The following XIRP1 variants were observed in gnomAD, a reference collection of about 807,000 sequenced individuals.
XIRP1 encodes xin actin binding repeat containing 1.
For synonymous variants in XIRP1, 984 were observed against 947.0 expected (o/e 1.04, Z -0.72); for missense variants, 2,378 against 2,345.4 (o/e 1.01, Z -0.29).
At chr3:39,191,975 A>G (rs2040093657) in intron 1 of XIRP1, among the ~76,000 whole-genome samples, 1 of 152,186 alleles carries the variant, frequency 6.6e-6, no homozygotes, top group African/African-American at 2.4e-5. Context: ...CAGATATGCC[A>G]AGAGTGTCAT....
rs750091469 is a variant in XIRP1, at chr3:39,186,276, C to G, written c.3170G>C (p.Ser1057Thr). ...GGCTTCAGCTGTTGCCATCCGCAGACTCTGCATGGCGGCCAGGAGGTCTGG... is the reference window on the plus strand; with the variant it reads ...GGCTTCAGCTGTTGCCATCCGCAGAGTCTGCATGGCGGCCAGGAGGTCTGG... Reference protein sequence around the residue: ...GAPDLLAAMQSLRMATAEAQS... With the variant: ...GAPDLLAAMQTLRMATAEAQS... Residue 1057 changes from serine to threonine, a missense_variant, in exon 2 of 2, where the codon AGT (serine) becomes ACT (threonine). Transcript: ENST00000340369. 1.9e-6 allele frequency: 3 copies of G among 1,613,948 alleles called. No individual in the cohort carries two copies. In the South Asian group the frequency reaches 3.3e-5, roughly 18 times the overall value.
chr3:39,189,622 G>A, intron 1 of XIRP1, 97 bp from the exon 2 acceptor site: 1 of 916,142 alleles, frequency 1.1e-6, no homozygotes, highest in Non-Finnish European at 1.6e-6. Context: ...CCTGGCCTGG[G>A]CTTCACTTCG....
Position 39,187,781 on chromosome 3 carries a change from C to T in XIRP1, c.1665G>A (p.Glu555=), listed in dbSNP as rs773623859. ...GGTGGATCATCTCCAGGGGCTGGGT[C>T]TCAAAAAGCCACCGAGCTGTGCCAA... is the stretch of plus-strand genomic sequence containing the variant. ...GDVGTARWLF[E]TQPLEMIHQR... is the part of the protein sequence containing the mutation. The change falls in exon 2 of 2, where the codon GAG becomes GAA. Residue 555 remains glutamate, a synonymous_variant. Transcript: ENST00000340369. 28 of 1,613,962 alleles carry T rather than the reference C, an allele frequency of 1.7e-5. No individual in the cohort carries two copies. Among genetic ancestry groups the T allele is most frequent in the Non-Finnish European group, 2.3e-5 (27 of 1,180,032 alleles).
rs2039930316 is a variant in XIRP1 at position 39,184,658 on chromosome 3, G to C, written c.4788C>G (p.Pro1596=). Residue 1596 remains proline, a synonymous_variant, in exon 2 of 2, where the codon CCC becomes CCG. Coordinates refer to ENST00000340369, the MANE Select transcript of XIRP1 (RefSeq NM_194293.4). ...ISVTVSSSAR[P]SGSGQEVGGQ... The stretch of plus-strand genomic sequence containing the variant: ...CTCCGACCTCCTGGCCTGAGCCACT[G>C]GGCCTGGCGCTACTGCTGACTGTGA... 1 of 1,613,788 alleles carries C rather than the reference G, an allele frequency of 6.2e-7. No individual in the cohort carries two copies. The highest frequency in any genetic ancestry group is 1.1e-5 in the South Asian group (1 of 91,088).
chr3:39,188,337 T>A lies in XIRP1; in HGVS notation c.1109A>T (p.Lys370Met), dbSNP rs1435488758. Residue 370 changes from lysine to methionine, a missense_variant, in exon 2 of 2, where the codon AAG becomes ATG. Physicochemically the swap from Lys to Met is moderately conservative, Grantham distance 95. Transcript: ENST00000340369. ...GACATCACCAGGGACCACTTCCTCC[T>A]TGGGTGGGGCCTCTGCTCCAGCCTC... Reference protein sequence around the residue: ...DEEAGAEAPPKEEVVPGDVRS... With the variant: ...DEEAGAEAPPMEEVVPGDVRS... 1 of 1,614,070 alleles carries A rather than the reference T, an allele frequency of 6.2e-7. No homozygotes were observed. The highest frequency in any genetic ancestry group is 1.1e-5 in the South Asian group (1 of 91,072).
intron 1 of XIRP1, among the ~76,000 whole-genome samples, chr3:39,191,392 G>T (rs2040087247): frequency 7.8e-6 from 1 of 128,066 alleles, no homozygotes. Flanking sequence ...CAGAATCTCT[G>T]CTAAGGCCAC....
At chr3:39,189,874 G>A (rs143175554) in intron 1 of XIRP1, among the ~76,000 whole-genome samples, 176 of 152,328 alleles carry the variant, frequency 1.2e-3, no homozygotes, top group African/African-American at 3.5e-3. Flanking sequence ...ACTGCCAGGG[G>A]AGTGGCCTGG....
rs768389701 is a variant in XIRP1 at position 39,184,249 on chromosome 3, G to A, written c.5197C>T (p.Pro1733Ser). 3 of 1,614,190 alleles carry A rather than the reference G, an allele frequency of 1.9e-6. No individual in the cohort carries two copies. The highest frequency in any genetic ancestry group is 2.5e-6 in the Non-Finnish European group (3 of 1,180,008). ...DITQCSVQPE[P>S]APPSASPLPR... The stretch of plus-strand genomic sequence containing the variant: ...AGGGGACTGGCTGAGGGAGGGGCAG[G>A]TTCAGGTTGCACAGAGCACTGGGTG... The change falls in exon 2 of 2, where the codon CCT becomes TCT. Residue 1733 changes from proline (P) to serine (S), a missense_variant. Transcript: ENST00000340369.
rs2039931039 is a variant in XIRP1 at position 39,184,685 on chromosome 3, A to G, written c.4761T>C (p.Ser1587=). ...PPKDHSAHKI[S]VTVSSSARPS... is the part of the protein sequence containing the mutation. ...GCCTGGCGCTACTGCTGACTGTGACACTGATCTTGTGGGCACTGTGGTCTT... is the reference window on the plus strand; with the variant it reads ...GCCTGGCGCTACTGCTGACTGTGACGCTGATCTTGTGGGCACTGTGGTCTT... The change falls in exon 2 of 2, where the codon AGT becomes AGC. Residue 1587 remains serine, a synonymous_variant. Transcript: ENST00000340369. 1 of 1,614,196 alleles carries G rather than the reference A, an allele frequency of 6.2e-7. No individual in the cohort carries two copies. Among genetic ancestry groups the G allele is most frequent in the Non-Finnish European group, 8.5e-7 (1 of 1,180,030 alleles).
In XIRP1 at chr3:39,185,179, A is replaced by G. The variant is rs2039941774; in HGVS notation, c.4267T>C (p.Ser1423Pro). The G allele has an allele frequency of 6.2e-7, 1 of 1,609,530 alleles. No individual in the cohort carries two copies. The highest frequency in any genetic ancestry group is 1.4e-5 in the African/African-American group (1 of 74,050). The part of the protein sequence containing the change: ...NQATGSNAQS[S>P]EPPKLNALNH... ...AGGGCATTGAGCTTGGGGGGCTCAG[A>G]GCTCTGGGCATTGCTGCCTGTAGCC... Residue 1423 changes from serine to proline, a missense_variant, in exon 2 of 2, where the codon TCT (serine) becomes CCT (proline). Physicochemically the swap from Ser to Pro is moderately conservative, Grantham distance 74 (BLOSUM62 -1). Coordinates refer to ENST00000340369, the MANE Select transcript of XIRP1 (RefSeq NM_194293.4).
In XIRP1 at chr3:39,186,239, G is replaced by C; in HGVS notation, c.3207C>G (p.His1069Gln). 6.2e-7 allele frequency: 1 copy of C among 1,613,840 alleles called. No homozygotes were observed. Among genetic ancestry groups the C allele is most frequent in the South Asian group, 1.1e-5 (1 of 91,072 alleles). Residue 1069 changes from histidine (H) to glutamine (Q), a missense_variant, in exon 2 of 2, where the codon CAC becomes CAG. Physicochemically the swap from His to Gln is conservative, Grantham distance 24 (BLOSUM62 0). Transcript: ENST00000340369. ...GCTTGTGCTTGTTCAGAACTTGCTG[G>C]TGCAGGCTCTGGGCTTCAGCTGTTG... ...RMATAEAQSL[H>Q]QQVLNKHKQG... is the part of the protein sequence containing the mutation.
At chr3:39,191,370 C>T (rs2040086942) in intron 1 of XIRP1, among the ~76,000 whole-genome samples, 1 of 151,098 alleles carries the variant, frequency 6.6e-6, no homozygotes, top group Non-Finnish European at 1.5e-5. Context: ...CACCCCCGCC[C>T]CCAGGAATTT....
chr3:39,187,196 G>A lies in XIRP1; in HGVS notation c.2250C>T (p.Leu750=), dbSNP rs140432105. The A allele has an allele frequency of 1.9e-4, 297 of 1,596,546 alleles. 1 individual carries two copies. In the African/African-American group the frequency reaches 3.7e-3, roughly 20 times the overall value. The part of the protein sequence containing the change: ...LAAESIQGGN[L]LEEQPMSPSG... ...AGGGGCTCATGGGCTGCTCTTCCAG[G>A]AGGTTGCCCCCTTGGATGCTCTCAG... is the stretch of plus-strand genomic sequence containing the variant. The change falls in exon 2 of 2, where the codon CTC becomes CTT. Residue 750 remains leucine (L), a synonymous_variant. Coordinates refer to ENST00000340369, the MANE Select transcript of XIRP1 (RefSeq NM_194293.4).
At position 39,185,949 on chromosome 3, in the gene XIRP1, G is replaced by C; in HGVS notation, c.3497C>G (p.Ser1166Ter). ...GVQLSQREPQSRHRETALSVQ... is the reference protein window; with the variant it reads ...GVQLSQREPQ ...TGAGAGGGCAGTCTCCCTGTGCCTT[G>C]ACTGGGGTTCCCTCTGAGAAAGCTG... The change falls in exon 2 of 2, where the codon TCA becomes TGA. Residue 1166 changes from serine (S) to a stop codon, truncating the protein, a stop_gained. Coordinates refer to ENST00000340369, the MANE Select transcript of XIRP1 (RefSeq NM_194293.4). LOFTEE classifies it low-confidence loss of function (END_TRUNC). 1 of 1,614,068 alleles carries C rather than the reference G, an allele frequency of 6.2e-7. No individual in the cohort carries two copies. Among genetic ancestry groups the C allele is most frequent in the Non-Finnish European group, 8.5e-7 (1 of 1,179,974 alleles).
At position 39,185,205 on chromosome 3, in the gene XIRP1, T is replaced by A. The variant is rs766580858; in HGVS notation, c.4241A>T (p.Gln1414Leu). 1 of 1,613,602 alleles carries A rather than the reference T, an allele frequency of 6.2e-7. No homozygotes were observed. Among genetic ancestry groups the A allele is most frequent in the Non-Finnish European group, 8.5e-7 (1 of 1,179,764 alleles). The change falls in exon 2 of 2, where the codon CAG (glutamine) becomes CTG (leucine). Residue 1414 changes from glutamine to leucine, a missense_variant. Coordinates refer to ENST00000340369, the MANE Select transcript of XIRP1 (RefSeq NM_194293.4). ...STTAPRPTKN[Q>L]ATGSNAQSSE... ...GCTCTGGGCATTGCTGCCTGTAGCC[T>A]GATTCTTGGTGGGCCTGGGGGCCGT...
Position 39,188,686 on chromosome 3 carries a change from T to C in XIRP1, c.760A>G (p.Lys254Glu), listed in dbSNP as rs1405030545. Residue 254 changes from lysine to glutamate, a missense_variant, in exon 2 of 2, where the codon AAG (lysine) becomes GAG (glutamate). By Grantham distance (56) the Lys-to-Glu change is moderately conservative. Coordinates refer to ENST00000340369, the MANE Select transcript of XIRP1 (RefSeq NM_194293.4). ...TGGATCTCCTCCCGGCATGCGGCCT[T>C]GACCTCATGGATGGCGCCCTCTGCA... ...QDAEGAIHEV[K>E]AACREEIQSN... 1 of 1,613,348 alleles carries C rather than the reference T, an allele frequency of 6.2e-7. No homozygotes were observed.
Position 39,184,623 on chromosome 3 carries a change from G to T in XIRP1, c.4823C>A (p.Ala1608Glu). 6.2e-7 allele frequency: 1 copy of T among 1,613,820 alleles called. No individual in the cohort carries two copies. Among genetic ancestry groups the T allele is most frequent in the Non-Finnish European group, 8.5e-7 (1 of 1,179,912 alleles). The change falls in exon 2 of 2, where the codon GCA (alanine) becomes GAA (glutamate). Residue 1608 changes from alanine (A) to glutamate (E), a missense_variant. By Grantham distance (107) the Ala-to-Glu change is moderately radical (BLOSUM62 -1). Coordinates refer to ENST00000340369, the MANE Select transcript of XIRP1 (RefSeq NM_194293.4). ...TTCAACCTTGGCTTGGTTCTTGACTGCAGTTTGACCTCCGACCTCCTGGCC... is the reference window on the plus strand; with the variant it reads ...TTCAACCTTGGCTTGGTTCTTGACTTCAGTTTGACCTCCGACCTCCTGGCC... ...GSGQEVGGQT[A>E]VKNQAKVECH...
intron 1 of XIRP1, among the ~76,000 whole-genome samples, chr3:39,190,326 C>T (rs962757227): frequency 6.6e-6 from 1 of 152,114 alleles, no homozygotes; most frequent in Non-Finnish European, 1.5e-5. Flanking sequence ...GAAGGCCGTG[C>T]TGGCTTGGGG....
chr3:39,187,750 C>T lies in XIRP1; in HGVS notation c.1696G>A (p.Glu566Lys), dbSNP rs1216332141. 1 of 1,614,038 alleles carries T rather than the reference C, an allele frequency of 6.2e-7. No homozygotes were observed. Among genetic ancestry groups the T allele is most frequent in the Non-Finnish European group, 8.5e-7 (1 of 1,180,052 alleles). Residue 566 changes from glutamate to lysine, a missense_variant, in exon 2 of 2, where the codon GAG becomes AAG. Coordinates refer to ENST00000340369, the MANE Select transcript of XIRP1 (RefSeq NM_194293.4). ...TCTTCTTTCTGTCGTTCCTGCTGCT[C>T]CCGTTGGTGGATCATCTCCAGGGGC... is the stretch of plus-strand genomic sequence containing the variant. The part of the protein sequence containing the change: ...TQPLEMIHQR[E>K]QQERQKEEGK...
Sources: gnomAD v4.1 joint callset for allele counts (sites outside exome capture counted in the v4.1 genomes callset) on GRCh38, gnomAD v4.1.1 for gene constraint, MANE v1.5 for transcripts, NCBI Gene and HGNC (gene_info 2026-07-23, HGNC 2026-07-21) for gene names.